The following SFT2D1 variants were observed in gnomAD, a reference collection of about 807,000 sequenced individuals.
The protein encoded by SFT2D1 is SFT2 domain containing 1, also known as vesicle transport protein SFT2A.
SFT2D1 carries 24 observed loss-of-function variants against 28.1 expected under a neutral mutation model. The observed-to-expected ratio is 0.85, with a 90% CI of 0.62 to 1.20. The LOEUF is 1.20. SFT2D1 is among the 50% of genes most tolerant of loss of function. The pLI is 0.00. For missense variants in SFT2D1, 181 were observed against 190.9 expected, an observed-to-expected ratio of 0.95 and a Z score of 0.31; for synonymous variants, 82 against 73.7, an observed-to-expected ratio of 1.11 and a Z score of -0.58.
intron 1 of SFT2D1, among the ~76,000 whole-genome samples, chr6:166,341,320 G>A (rs1408233908): frequency 6.6e-6 from 1 of 151,666 alleles, no homozygotes; most frequent in Non-Finnish European, 1.5e-5. Flanking sequence ...ATGGTGGCAG[G>A]TGCCTGTAAT....
chr6:166,341,305 A>C (rs568011866), intron 1 of SFT2D1, among the ~76,000 whole-genome samples: 1 of 151,998 alleles, frequency 6.6e-6, no homozygotes, highest in Admixed American at 6.5e-5. Flanking sequence ...AATAATTAGC[A>C]GGGCATGGTG....
chr6:166,338,716 G>A (rs1778711706), intron 1 of SFT2D1, among the ~76,000 whole-genome samples: 1 of 152,160 alleles, frequency 6.6e-6, no homozygotes. Context: ...AGGGCTGAGA[G>A]GCCAAGGGAG....
At chr6:166,320,316 A>G (rs965354494) in intron 7 of SFT2D1, 60 bp from the exon 8 acceptor site, 71 of 1,406,268 alleles carry the variant, frequency 5.0e-5, no homozygotes, top group East Asian at 7.0e-5. Context: ...AAAGTTGCGC[A>G]AAATGTTCCT....
chr6:166,335,269 C>T (rs1370659915), intron 1 of SFT2D1: 11 of 584,682 alleles, frequency 1.9e-5, no homozygotes, highest in African/African-American at 3.7e-5. Context: ...TGGCAGCTGT[C>T]CACAGCGGTG....
At position 166,329,608 on chromosome 6, in the gene SFT2D1, G is replaced by C. The variant is rs116637799; in HGVS notation, c.151-19C>G. The C allele has an allele frequency of 8.4e-3, 13,104 of 1,556,628 alleles. 481 individuals are homozygous for C. Among genetic ancestry groups the C allele is most frequent in the South Asian group, 0.078 (6,393 of 82,336 alleles). ...CAGTTCCCTAAGTTAAGATATTATA[G>C]TTATTTTAAAATAATTTTATGATTT... On this transcript the variant is annotated intron_variant, in intron 2 of 7. Coordinates refer to ENST00000361731, the MANE Select transcript of SFT2D1 (RefSeq NM_145169.3).
Position 166,329,604 on chromosome 6 carries a change from T to G in SFT2D1, c.151-15A>C. 6.4e-7 allele frequency: 1 copy of G among 1,564,506 alleles called. No homozygotes were observed. Among genetic ancestry groups the G allele is most frequent in the Non-Finnish European group, 8.7e-7 (1 of 1,154,384 alleles). ...AATCCAGTTCCCTAAGTTAAGATAT[T>G]ATAGTTATTTTAAAATAATTTTATG... On this transcript the variant is annotated splice_polypyrimidine_tract_variant and intron_variant, in intron 2 of 7. Transcript: ENST00000361731.
rs761031713 is a variant in SFT2D1 at position 166,324,528 on chromosome 6, A to G, written c.410+9T>C. 3.7e-5 allele frequency: 59 copies of G among 1,610,010 alleles called. 2 individuals are homozygous for G. The South Asian group carries it at 6.3e-4, about 17-fold the overall frequency. ...TTTTAACACTTCACTAGGGTAAGGA[A>G]AGACTTACCAGGTCATTGACAAGAA... On this transcript the variant is annotated intron_variant, in intron 6 of 7. Coordinates refer to ENST00000361731, the MANE Select transcript of SFT2D1 (RefSeq NM_145169.3).
rs141464819 is a variant in SFT2D1 at position 166,321,513 on chromosome 6, C to T, written c.441-1257G>A. Among the ~76,000 whole-genome samples, 23 of 152,336 alleles carry T rather than the reference C, an allele frequency of 1.5e-4. No individual in the cohort carries two copies. The East Asian group carries it at 3.5e-3, about 23-fold the overall frequency. Reference sequence around the variant, plus strand: ...ACCCTTGCACACTCCTGTTAAGCAGCTTTCTCACCTGTAGCTAACTTTGTT... The same window carrying T: ...ACCCTTGCACACTCCTGTTAAGCAGTTTTCTCACCTGTAGCTAACTTTGTT... On this transcript the variant is annotated intron_variant, in intron 7 of 7. Transcript: ENST00000361731.
At chr6:166,321,010 C>T (rs1197878721) in intron 7 of SFT2D1, among the ~76,000 whole-genome samples, 3 of 152,014 alleles carry the variant, frequency 2.0e-5, no homozygotes, top group African/African-American at 7.3e-5. Flanking sequence ...ACTCAGGAGG[C>T]TGAGCCAGGA....
intron 1 of SFT2D1, among the ~76,000 whole-genome samples, chr6:166,334,223 T>C (rs1226934364): frequency 6.6e-6 from 1 of 152,216 alleles, no homozygotes; most frequent in Non-Finnish European, 1.5e-5. Context: ...AAATACTGAG[T>C]GCTGCTATGT....
intron 4 of SFT2D1, among the ~76,000 whole-genome samples, chr6:166,326,468 A>G (rs543466930): frequency 1.5e-4 from 23 of 152,338 alleles, no homozygotes; most frequent in African/African-American, 5.3e-4. Flanking sequence ...AGAGGTGGGC[A>G]GTGTGGTGTT....
At chr6:166,330,008 T>C (rs1422561081) in intron 2 of SFT2D1, among the ~76,000 whole-genome samples, 153 bp downstream of exon 2, 2 of 152,240 alleles carry the variant, frequency 1.3e-5, no homozygotes, top group African/African-American at 2.4e-5. Flanking sequence ...CGTATTTTCA[T>C]TGATCTCTAC....
chr6:166,322,326 C>T (rs550611914), intron 7 of SFT2D1, among the ~76,000 whole-genome samples: 7 of 152,318 alleles, frequency 4.6e-5, no homozygotes, highest in African/African-American at 7.2e-5. Context: ...ATACTCCCCA[C>T]AGAGCTGCTC....
chr6:166,330,276 AT>A, intron 1 of SFT2D1, 29 bp from the exon 2 acceptor site: 1 of 1,407,828 alleles, frequency 7.1e-7, no homozygotes, highest in Non-Finnish European at 9.8e-7. Flanking sequence ...AATTTAGAAT[AT>A]AGTCTTAATT....
rs1333123882 is a variant in SFT2D1 at position 166,324,679 on chromosome 6, A to G, written c.352-84T>C. On this transcript the variant is annotated intron_variant, in intron 5 of 7. Coordinates refer to ENST00000361731, the MANE Select transcript of SFT2D1 (RefSeq NM_145169.3). ...AATCAAACTTAATTCTTGTCTTTCAAAAATGTAGATGATGGCTTCATTTAT... is the reference window on the plus strand; with the variant it reads ...AATCAAACTTAATTCTTGTCTTTCAGAAATGTAGATGATGGCTTCATTTAT... 1.6e-6 allele frequency: 2 copies of G among 1,250,460 alleles called. 1 individual carries two copies. The highest frequency in any genetic ancestry group is 2.3e-6 in the Non-Finnish European group (2 of 887,432). 77.5% of individuals were successfully genotyped at this position (1,250,460 alleles called of 1,614,324 possible). A position where few individuals can be genotyped will look rare whatever the true frequency, so the allele number is the denominator to read the frequency against.
chr6:166,334,168 A>ACATC lies in SFT2D1; in HGVS notation c.64-3925_64-3922dup, dbSNP rs538973425. 7.0e-3 allele frequency among the ~76,000 whole-genome samples: 1,069 copies of ACATC among 152,306 alleles called. 7 individuals are homozygous for ACATC. The highest frequency in any genetic ancestry group is 0.012 in the Non-Finnish European group (816 of 68,030). On this transcript the variant is annotated intron_variant, in intron 1 of 7. Transcript: ENST00000361731. Reference sequence around the variant, plus strand: ...CACCTTCCAGCCTCTGTACACTCATACATCCATTCATCCATCCATCCATCC... The same window carrying ACATC: ...CACCTTCCAGCCTCTGTACACTCATACATCCATCCATTCATCCATCCATCCATCC...
intron 1 of SFT2D1, among the ~76,000 whole-genome samples, chr6:166,333,572 T>A (rs1453931806): frequency 1.3e-5 from 2 of 152,134 alleles, no homozygotes; most frequent in Non-Finnish European, 2.9e-5. Context: ...GACATTCAAA[T>A]TCCCTTTCCG....
At chr6:166,341,706 C>T (rs767160719) in intron 1 of SFT2D1, among the ~76,000 whole-genome samples, 3 of 152,074 alleles carry the variant, frequency 2.0e-5, no homozygotes, top group African/African-American at 7.2e-5. Flanking sequence ...AATATAATCG[C>T]ATGCAATAAC....
At chr6:166,326,659 G>A (rs1281100670) in intron 4 of SFT2D1, among the ~76,000 whole-genome samples, 1 of 152,224 alleles carries the variant, frequency 6.6e-6, no homozygotes, top group Non-Finnish European at 1.5e-5. Context: ...TGAGCTAGAA[G>A]CTGGCATGTG....
Sources: gnomAD v4.1 joint callset for allele counts (sites outside exome capture counted in the v4.1 genomes callset) on GRCh38, gnomAD v4.1.1 for gene constraint, MANE v1.5 for transcripts, NCBI Gene and HGNC (gene_info 2026-07-23, HGNC 2026-07-21) for gene names.